NEDD4: variants seen among roughly 807,000 people sequenced by gnomAD.
The protein encoded by NEDD4 is E3 ubiquitin-protein ligase NEDD4.
In NEDD4, 99 loss-of-function variants were observed where a neutral mutation model predicts 144.9. That is an observed-to-expected ratio of 0.68 (90% CI 0.58 to 0.81). NEDD4 has a LOEUF of 0.81. Ranked by LOEUF, NEDD4 falls within the 30% of genes least tolerant of loss-of-function variation. The pLI, the probability that NEDD4 is intolerant of heterozygous loss-of-function variation, is 0.00. For missense variants in NEDD4, 985 were observed against 1,065.9 expected, an observed-to-expected ratio of 0.92 and a Z score of 1.06; for synonymous variants, 318 against 350.6, an observed-to-expected ratio of 0.91 and a Z score of 1.04.
chr15:55,986,725 G>C lies in NEDD4; in HGVS notation c.45+6786C>G, dbSNP rs562867013. Among the ~76,000 whole-genome samples the C allele has an allele frequency of 1.9e-3, 281 of 150,958 alleles. 1 individual carries two copies. The highest frequency in any genetic ancestry group is 3.0e-3 in the Non-Finnish European group (206 of 67,848). ...CGGCCTCAGCCTCCCGAGTAGCTGG[G>C]ACTACAGGCACCCACCACCACACCC... is the stretch of plus-strand genomic sequence containing the variant. On this transcript the variant is annotated intron_variant, in intron 1 of 28. Transcript: ENST00000435532.
chr15:55,934,780 T>C (rs930594062), intron 4 of NEDD4: 1 of 151,176 alleles, frequency 6.6e-6, no homozygotes, highest in South Asian at 2.1e-4. Flanking sequence ...TATAAGAAAT[T>C]TTATTATTAT....
chr15:55,971,247 C>T (rs72734376), intron 1 of NEDD4, among the ~76,000 whole-genome samples: 18,310 of 151,822 alleles, frequency 0.12, 1,480 homozygotes, highest in Non-Finnish European at 0.18. Context: ...GAAAATATAC[C>T]GTCAGAGGTG....
chr15:55,970,121 A>C (rs2037582533), intron 1 of NEDD4, among the ~76,000 whole-genome samples: 1 of 152,144 alleles, frequency 6.6e-6, no homozygotes, highest in South Asian at 2.1e-4. Flanking sequence ...AGCAGTAGCC[A>C]GACTATAGTA....
At chr15:55,830,656 T>C in intron 27 of NEDD4, 70 bp from the exon 28 acceptor site, 3 of 1,146,422 alleles carry the variant, frequency 2.6e-6, no homozygotes, top group Non-Finnish European at 4.0e-6. Context: ...AAACTTTTTC[T>C]AGTGTACACT....
intron 18 of NEDD4, 142 bp from the exon 19 acceptor site, chr15:55,842,305 C>G (rs921543398): frequency 1.5e-6 from 1 of 673,240 alleles, no homozygotes; most frequent in Non-Finnish European, 2.5e-6. Flanking sequence ...GAAAACACAA[C>G]TAGGTATATT....
intron 5 of NEDD4, among the ~76,000 whole-genome samples, chr15:55,888,551 G>A (rs1566934244): frequency 2.0e-5 from 3 of 152,150 alleles, no homozygotes; most frequent in African/African-American, 4.8e-5. Flanking sequence ...CAGATTTGAT[G>A]CAATCCCTAT....
intron 5 of NEDD4, among the ~76,000 whole-genome samples, chr15:55,899,965 G>A (rs1351471952): frequency 6.6e-6 from 1 of 152,046 alleles, no homozygotes; most frequent in Non-Finnish European, 1.5e-5. Context: ...GTACTTTCTG[G>A]TTTTAAGATC....
intron 8 of NEDD4, among the ~76,000 whole-genome samples, chr15:55,865,978 T>A (rs752720324): frequency 1.1e-4 from 16 of 152,148 alleles, no homozygotes; most frequent in Non-Finnish European, 1.8e-4. Flanking sequence ...GACACCCAGG[T>A]TGGAGTGCAG....
At chr15:55,904,523 A>G (rs1031285204) in intron 5 of NEDD4, among the ~76,000 whole-genome samples, 1 of 152,160 alleles carries the variant, frequency 6.6e-6, no homozygotes, top group Admixed American at 6.5e-5. Context: ...AGCCTGTCTC[A>G]AAGTCCTGAC....
intron 8 of NEDD4, among the ~76,000 whole-genome samples, chr15:55,864,575 G>A (rs943374885): frequency 3.3e-5 from 5 of 151,648 alleles, no homozygotes; most frequent in African/African-American, 9.7e-5. Flanking sequence ...CCAGTTATTC[G>A]GGAGGCTGAG....
At chr15:55,939,106 G>A (rs117718855) in intron 4 of NEDD4, among the ~76,000 whole-genome samples, 1,245 of 106,256 alleles carry the variant, frequency 0.012, 57 homozygotes, top group Admixed American at 0.096. Flanking sequence ...ACCGTGTCTC[G>A]AAAACAACAA....
chr15:55,869,787 G>A (rs1367274569), intron 7 of NEDD4, 106 bp from the exon 8 acceptor site: 9 of 693,368 alleles, frequency 1.3e-5, no homozygotes, highest in Non-Finnish European at 2.1e-5. Context: ...GGTCTACAAA[G>A]GGAGGTTCAA....
rs138012178 is a variant in NEDD4, at chr15:55,950,965, T to C, written c.237+411A>G. ...AACTGCTGATTGGAATTTGCTTTTA[T>C]GGTAAATGAGGCAGATGGGGTGGAA... On this transcript the variant is annotated intron_variant, in intron 4 of 28. Transcript: ENST00000435532. 9.9e-4 allele frequency among the ~76,000 whole-genome samples: 151 copies of C among 152,290 alleles called. 1 individual carries two copies. Among genetic ancestry groups the C allele is most frequent in the Non-Finnish European group, 1.6e-3 (112 of 68,016 alleles).
chr15:55,939,918 C>T (rs920384033), intron 4 of NEDD4, among the ~76,000 whole-genome samples: 1 of 152,126 alleles, frequency 6.6e-6, no homozygotes, highest in Non-Finnish European at 1.5e-5. Flanking sequence ...TGCCCTCCCA[C>T]GTTCATTACA....
chr15:55,924,807 C>T (rs1265473930), intron 4 of NEDD4, 108 bp from the exon 5 acceptor site: 7 of 1,085,044 alleles, frequency 6.5e-6, no homozygotes, highest in Non-Finnish European at 9.5e-6. Context: ...GTGGCTCATG[C>T]CTGTAATCCC....
chr15:55,924,739 T>C, intron 4 of NEDD4, 40 bp from the exon 5 acceptor site: 1 of 1,560,052 alleles, frequency 6.4e-7, no homozygotes, highest in East Asian at 2.3e-5. Flanking sequence ...CAAGTAAACA[T>C]CAACCCACAG....
At chr15:55,841,871 G>T in intron 19 of NEDD4, 63 bp downstream of exon 19, 2 of 1,430,478 alleles carry the variant, frequency 1.4e-6, no homozygotes, top group South Asian at 2.3e-5. Flanking sequence ...GCACCCGGCC[G>T]ACTCTTACTT....
intron 5 of NEDD4, among the ~76,000 whole-genome samples, chr15:55,880,090 G>C (rs1448807880): frequency 1.3e-5 from 2 of 152,086 alleles, no homozygotes; most frequent in African/African-American, 4.8e-5. Flanking sequence ...TCAGGAGTTC[G>C]AGACCAGCCT....
intron 5 of NEDD4, among the ~76,000 whole-genome samples, chr15:55,904,856 G>T (rs2036033471): frequency 6.6e-6 from 1 of 152,020 alleles, no homozygotes; most frequent in Admixed American, 6.5e-5. Flanking sequence ...ACTTTGGGAG[G>T]CCGAGGTGGG....
Sources: allele counts gnomAD v4.1 joint callset (sites outside exome capture counted in the v4.1 genomes callset), GRCh38; gene constraint gnomAD v4.1.1; transcripts MANE v1.5; gene names NCBI Gene and HGNC (gene_info 2026-07-23, HGNC 2026-07-21).